Variants in MAML2 observed in about 807,000 individuals in gnomAD.
MAML2 encodes the protein mastermind-like protein 2.
MAML2 carries 22 observed loss-of-function variants against 96.1 expected under a neutral mutation model. The observed-to-expected ratio is 0.23, with a 90% CI of 0.16 to 0.33. The LOEUF is 0.33. Ranked by LOEUF, MAML2 falls within the 10% of genes least tolerant of loss-of-function variation. The pLI is 1.00. For missense variants in MAML2, 1,367 were observed against 1,392.4 expected (o/e 0.98, Z 0.29); for synonymous variants, 561 against 521.3 (o/e 1.08, Z -1.04).
intron 1 of MAML2, among the ~76,000 whole-genome samples, chr11:96,110,409 G>A (rs1047225958): frequency 6.6e-6 from 1 of 152,166 alleles, no homozygotes; most frequent in African/African-American, 2.4e-5. Context: ...TTCACTTTAT[G>A]TTGTTCCTAG....
At chr11:96,274,268 A>G (rs1862956627) in intron 1 of MAML2, among the ~76,000 whole-genome samples, 1 of 151,804 alleles carries the variant, frequency 6.6e-6, no homozygotes, top group Non-Finnish European at 1.5e-5. Context: ...TATTTTTAGT[A>G]GAGACGGGGT....
intron 2 of MAML2, among the ~76,000 whole-genome samples, chr11:96,090,383 A>T (rs1315939433): frequency 6.6e-6 from 1 of 152,114 alleles, no homozygotes; most frequent in South Asian, 2.1e-4. Flanking sequence ...GAATTACCTC[A>T]TTTTATTTTC....
chr11:96,201,918 CAA>C (rs200583617), intron 1 of MAML2, among the ~76,000 whole-genome samples: 1 of 140,360 alleles, frequency 7.1e-6, no homozygotes, highest in Non-Finnish European at 1.5e-5. Context: ...GACTCCATCT[CAA>C]AAAAAAAAAG....
intron 2 of MAML2, among the ~76,000 whole-genome samples, chr11:96,017,024 TGA>T (rs1858364301): frequency 1.3e-5 from 2 of 152,170 alleles, no homozygotes; most frequent in Non-Finnish European, 1.5e-5. Flanking sequence ...ATTAACTATG[TGA>T]GGAATAATCA....
intron 2 of MAML2, among the ~76,000 whole-genome samples, chr11:96,065,632 G>A (rs1328522447): frequency 2.0e-5 from 3 of 152,216 alleles, no homozygotes; most frequent in Non-Finnish European, 2.9e-5. Context: ...TTATATGCCA[G>A]GAACTACAGT....
At chr11:96,259,025 A>G (rs1400910039) in intron 1 of MAML2, among the ~76,000 whole-genome samples, 3 of 151,872 alleles carry the variant, frequency 2.0e-5, no homozygotes, top group African/African-American at 7.3e-5. Context: ...TCTGTTCAGA[A>G]CTCTTTCAAA....
intron 1 of MAML2, among the ~76,000 whole-genome samples, chr11:96,218,864 A>G (rs1029958720): frequency 1.3e-5 from 2 of 152,250 alleles, no homozygotes; most frequent in African/African-American, 4.8e-5. Flanking sequence ...AAGATAATTC[A>G]TTGTTTATCT....
intron 2 of MAML2, among the ~76,000 whole-genome samples, chr11:95,994,229 G>A (rs1004673597): frequency 2.6e-5 from 4 of 152,168 alleles, no homozygotes; most frequent in Non-Finnish European, 5.9e-5. Flanking sequence ...AGGGTGGGGA[G>A]ATCCTCTTCA....
At chr11:96,060,503 C>T (rs771014856) in intron 2 of MAML2, among the ~76,000 whole-genome samples, 9 of 151,952 alleles carry the variant, frequency 5.9e-5, no homozygotes, top group Non-Finnish European at 4.4e-5. Context: ...TACAAAATCA[C>T]CCACATATCT....
chr11:96,070,256 C>G (rs1249514850), intron 2 of MAML2, among the ~76,000 whole-genome samples: 1 of 151,946 alleles, frequency 6.6e-6, no homozygotes, highest in Non-Finnish European at 1.5e-5. Flanking sequence ...CGCCACTGCA[C>G]TCCAGCCTGG....
intron 1 of MAML2, among the ~76,000 whole-genome samples, chr11:96,208,532 A>G (rs1250372404): frequency 6.6e-6 from 1 of 152,228 alleles, no homozygotes; most frequent in Non-Finnish European, 1.5e-5. Flanking sequence ...AGATACTTGA[A>G]GTAATAAAGT....
intron 1 of MAML2, among the ~76,000 whole-genome samples, chr11:96,331,429 G>T (rs912028820): frequency 6.6e-6 from 1 of 152,062 alleles, no homozygotes; most frequent in African/African-American, 2.4e-5. Context: ...ACCTGGAATA[G>T]ATGTCAGGAA....
intron 1 of MAML2, among the ~76,000 whole-genome samples, chr11:96,180,989 G>C (rs1861475867): frequency 6.6e-6 from 1 of 151,382 alleles, no homozygotes; most frequent in African/African-American, 2.4e-5. Context: ...TGCTCAGTGG[G>C]GGTGCTTTCT....
intron 1 of MAML2, among the ~76,000 whole-genome samples, chr11:96,105,303 A>G (rs1049732428): frequency 1.3e-5 from 2 of 152,156 alleles, no homozygotes; most frequent in Non-Finnish European, 2.9e-5. Flanking sequence ...ATCTCTCTCC[A>G]TGGCATTCCC....
intron 1 of MAML2, among the ~76,000 whole-genome samples, chr11:96,261,474 T>G (rs1862748707): frequency 6.6e-6 from 1 of 152,242 alleles, no homozygotes; most frequent in Non-Finnish European, 1.5e-5. Context: ...AAAGACAAGG[T>G]GTATTCTATA....
Position 96,092,216 on chromosome 11 carries a change from CTG to C in MAML2, c.1813_1814del (p.Gln605AlafsTer125), listed in dbSNP as rs1859728744. On this transcript the variant is annotated frameshift_variant, in exon 2 of 5. Transcript: ENST00000524717. LOFTEE classifies it high-confidence loss of function. The surrounding 1 kb of genome is among the most constrained non-coding windows in gnomAD (Gnocchi z 4.1). Reference sequence around the variant, plus strand: ...GTTGCTGCTGCTGCTGCTGTTGCTGCTGCTGCTGCTGCTGCTGCTGCTGCTGC... The same window carrying C: ...GTTGCTGCTGCTGCTGCTGTTGCTGCCTGCTGCTGCTGCTGCTGCTGCTGC... ...QQQQQQQQQQ[Q>X]QQQQQQQQQQ... 2.2e-4 allele frequency: 8 copies of C among 37,192 alleles called. No homozygotes were observed. In the African/African-American group the frequency reaches 2.8e-3, roughly 13 times the overall value. The allele number at this position is 37,192 out of a possible 1,614,324, so 2.3% of individuals were successfully genotyped here.
At chr11:96,285,852 A>G (rs1297466400) in intron 1 of MAML2, among the ~76,000 whole-genome samples, 1 of 152,204 alleles carries the variant, frequency 6.6e-6, no homozygotes, top group Non-Finnish European at 1.5e-5. Flanking sequence ...GCAAAGAAAA[A>G]GGAATGCTTC....
intron 1 of MAML2, among the ~76,000 whole-genome samples, chr11:96,281,499 C>T (rs1275773354): frequency 6.6e-6 from 1 of 151,988 alleles, no homozygotes; most frequent in African/African-American, 2.4e-5. Context: ...GGGGTCTGGG[C>T]AGGGTAGTGG....
intron 2 of MAML2, among the ~76,000 whole-genome samples, chr11:96,053,073 TAA>T (rs1859011888): frequency 6.6e-6 from 1 of 152,236 alleles, no homozygotes; most frequent in Non-Finnish European, 1.5e-5. Context: ...GGTACTGTAC[TAA>T]GTTTGGGGAA....
Sources: gnomAD v4.1 joint callset for allele counts (sites outside exome capture counted in the v4.1 genomes callset) on GRCh38, gnomAD v4.1.1 for gene constraint, Gnocchi (gnomAD v3.1) non-coding constraint, MANE v1.5 for transcripts, NCBI Gene and HGNC (gene_info 2026-07-23, HGNC 2026-07-21) for gene names.